Variants in ANO2 observed in about 807,000 individuals in gnomAD.
The protein encoded by ANO2 is anoctamin-2.
A neutral mutation model predicts 124.2 loss-of-function variants in ANO2; 101 were observed. The ratio of observed to expected loss-of-function variants is 0.81; its 90% confidence interval spans 0.69 to 0.96. The LOEUF is 0.96. ANO2 is among the 40% of genes least tolerant of loss of function. The pLI, the probability that ANO2 is intolerant of heterozygous loss-of-function variation, is 0.00. For synonymous variants in ANO2, 486 were observed against 482.5 expected, an observed-to-expected ratio of 1.01 and a Z score of -0.09; for missense variants, 1,293 against 1,274.5, an observed-to-expected ratio of 1.01 and a Z score of -0.22.
chr12:5,944,735 C>G (rs1943026448), intron 1 of ANO2, among the ~76,000 whole-genome samples: 1 of 152,112 alleles, frequency 6.6e-6, no homozygotes, highest in Non-Finnish European at 1.5e-5. Flanking sequence ...AACTGAGAGG[C>G]CACTCCAGGG....
At chr12:5,766,989 C>A (rs1340158824) in intron 10 of ANO2, among the ~76,000 whole-genome samples, 2 of 152,210 alleles carry the variant, frequency 1.3e-5, no homozygotes, top group Non-Finnish European at 2.9e-5. Context: ...AATGGCTGCA[C>A]AATTCTCAGG....
At chr12:5,770,299 C>T (rs1419946315) in intron 10 of ANO2, among the ~76,000 whole-genome samples, 1 of 152,176 alleles carries the variant, frequency 6.6e-6, no homozygotes, top group Non-Finnish European at 1.5e-5. Flanking sequence ...ATTCTTCCAG[C>T]TCATTGGTTT....
At chr12:5,920,997 G>C (rs1367892565) in intron 3 of ANO2, 43 bp downstream of exon 3, 5 of 1,568,440 alleles carry the variant, frequency 3.2e-6, no homozygotes, top group Non-Finnish European at 4.3e-6. Flanking sequence ...CGGTTCTGTG[G>C]TGCCATTCCA....
intron 3 of ANO2, among the ~76,000 whole-genome samples, chr12:5,911,305 C>T (rs1207491024): frequency 3.3e-5 from 5 of 152,162 alleles, no homozygotes; most frequent in Non-Finnish European, 1.5e-5. Context: ...AGAGACTGAG[C>T]CTGGCAGGTC....
At chr12:5,816,150 CT>C (rs35287420) in intron 7 of ANO2, among the ~76,000 whole-genome samples, 26 of 146,246 alleles carry the variant, frequency 1.8e-4, no homozygotes, top group Admixed American at 4.1e-4. Flanking sequence ...CTCTCTCTCT[CT>C]TTTTTTTTTT....
chr12:5,732,694 T>G, intron 13 of ANO2, 64 bp from the exon 14 acceptor site: 1 of 1,550,530 alleles, frequency 6.4e-7, no homozygotes, highest in Non-Finnish European at 8.9e-7. Flanking sequence ...CTTAGGGTTA[T>G]AACCAGACAC....
At chr12:5,754,267 C>G (rs1951517603) in intron 10 of ANO2, among the ~76,000 whole-genome samples, 1 of 151,988 alleles carries the variant, frequency 6.6e-6, no homozygotes, top group South Asian at 2.1e-4. Context: ...GGAAAAAAAC[C>G]CTTCTTGGTC....
intron 14 of ANO2, among the ~76,000 whole-genome samples, chr12:5,718,015 A>C (rs563484073): frequency 1.3e-5 from 2 of 152,344 alleles, no homozygotes; most frequent in South Asian, 4.1e-4. Context: ...ACCACTAAAC[A>C]CATGGAAGTC....
chr12:5,602,504 T>C lies in ANO2; in HGVS notation c.2088-2875A>G, dbSNP rs545098476. On this transcript the variant is annotated intron_variant, in intron 19 of 24. Coordinates refer to ENST00000682330, the MANE Select transcript of ANO2 (RefSeq NM_001364791.2). ...CCTGGGCTCAGATGATCCACCCACTTAGGCCTCCCAAAGTACAAGGATTAC... is the reference window on the plus strand; with the variant it reads ...CCTGGGCTCAGATGATCCACCCACTCAGGCCTCCCAAAGTACAAGGATTAC... 1.1e-4 allele frequency among the ~76,000 whole-genome samples: 17 copies of C among 152,264 alleles called. No individual in the cohort carries two copies. The South Asian group carries it at 3.3e-3, about 30-fold the overall frequency.
intron 10 of ANO2, among the ~76,000 whole-genome samples, chr12:5,794,930 C>A (rs1952804146): frequency 6.6e-6 from 1 of 152,220 alleles, no homozygotes; most frequent in Non-Finnish European, 1.5e-5. Flanking sequence ...CCTCCTCTAA[C>A]CCAGCTGTGG....
At position 5,939,929 on chromosome 12, in the gene ANO2, G is replaced by A. The variant is rs1296599396; in HGVS notation, c.22+5267C>T. Among the ~76,000 whole-genome samples the A allele has an allele frequency of 2.0e-5, 3 of 152,210 alleles. No individual in the cohort carries two copies. The East Asian group carries it at 5.8e-4, about 29-fold the overall frequency. ...TACCAAAAATGAAAAGCTTGGTGTAGCATGTTCACACCTTATATTGTGTTA... is the reference window on the plus strand; with the variant it reads ...TACCAAAAATGAAAAGCTTGGTGTAACATGTTCACACCTTATATTGTGTTA... On this transcript the variant is annotated intron_variant, in intron 1 of 24. Transcript: ENST00000682330.
chr12:5,760,902 T>C (rs961638494), intron 10 of ANO2, among the ~76,000 whole-genome samples: 14 of 152,138 alleles, frequency 9.2e-5, no homozygotes, highest in Non-Finnish European at 1.9e-4. Context: ...AGGTTACTTG[T>C]GTAAAAGTTG....
intron 3 of ANO2, among the ~76,000 whole-genome samples, chr12:5,887,980 T>G (rs996431060): frequency 1.3e-5 from 2 of 152,192 alleles, no homozygotes; most frequent in Admixed American, 1.3e-4. Flanking sequence ...GGGACAGACA[T>G]ACAGAGGTTG....
At chr12:5,766,545 G>A (rs1048273450) in intron 10 of ANO2, among the ~76,000 whole-genome samples, 1 of 152,176 alleles carries the variant, frequency 6.6e-6, no homozygotes, top group Non-Finnish European at 1.5e-5. Flanking sequence ...CCCTAGGGAG[G>A]CACTAATGGA....
intron 11 of ANO2, among the ~76,000 whole-genome samples, chr12:5,747,135 C>A (rs1387295945): frequency 1.3e-5 from 2 of 152,228 alleles, no homozygotes; most frequent in Non-Finnish European, 2.9e-5. Flanking sequence ...AGAAGAAGTG[C>A]ACGCTGGGCC....
intron 23 of ANO2, among the ~76,000 whole-genome samples, chr12:5,573,210 T>A (rs555072486): frequency 1.3e-5 from 2 of 152,272 alleles, no homozygotes; most frequent in South Asian, 2.1e-4. Flanking sequence ...ACCTTCAACT[T>A]CCCATAGGGA....
chr12:5,617,080 G>T (rs750815156), intron 16 of ANO2, among the ~76,000 whole-genome samples: 1 of 142,350 alleles, frequency 7.0e-6, no homozygotes, highest in African/African-American at 2.6e-5. Flanking sequence ...ACACCGTACC[G>T]CACTCTCCAG....
At chr12:5,592,116 G>A (rs1444789813) in intron 20 of ANO2, among the ~76,000 whole-genome samples, 1 of 152,226 alleles carries the variant, frequency 6.6e-6, no homozygotes, top group Non-Finnish European at 1.5e-5. Context: ...TATGTCCATA[G>A]TGAAGAAGGT....
intron 14 of ANO2, among the ~76,000 whole-genome samples, chr12:5,662,867 G>T (rs1286078606): frequency 6.6e-6 from 1 of 152,156 alleles, no homozygotes; most frequent in Non-Finnish European, 1.5e-5. Flanking sequence ...AGGCAAGTTG[G>T]GTAGGACATG....
Sources: allele counts gnomAD v4.1 joint callset (sites outside exome capture counted in the v4.1 genomes callset), GRCh38; gene constraint gnomAD v4.1.1; transcripts MANE v1.5; gene names NCBI Gene and HGNC (gene_info 2026-07-23, HGNC 2026-07-21).